STPG2: variants seen among roughly 807,000 people sequenced by gnomAD.
The protein encoded by STPG2 is sperm tail PG-rich repeat containing 2.
STPG2 carries 56 observed loss-of-function variants against 54.2 expected under a neutral mutation model. That is an observed-to-expected ratio of 1.03 (90% CI 0.83 to 1.29). The LOEUF (loss-of-function observed/expected upper bound fraction) is 1.29, where lower values mean the gene tolerates loss of function less well. Among genes scored for constraint, STPG2 ranks in the 50% most tolerant of loss-of-function variants. STPG2 has a pLI of 0.00. For missense variants in STPG2, 596 were observed against 544.9 expected, an observed-to-expected ratio of 1.09 and a Z score of -0.93; for synonymous variants, 200 against 181.8, an observed-to-expected ratio of 1.10 and a Z score of -0.81.
chr4:97,886,952 A>G (rs1730594269), intron 8 of STPG2, among the ~76,000 whole-genome samples: 2 of 152,182 alleles, frequency 1.3e-5, no homozygotes, highest in Admixed American at 1.3e-4. Context: ...CTCCTGCTAC[A>G]CCACATAAGG....
At chr4:97,640,795 CAT>C (rs949254260) in intron 10 of STPG2, among the ~76,000 whole-genome samples, 12 of 151,098 alleles carry the variant, frequency 7.9e-5, no homozygotes, top group African/African-American at 2.2e-4. Flanking sequence ...TTTCAAAACA[CAT>C]GTTTAAGTCA....
At chr4:98,004,970 TAA>T (rs70953102) in intron 5 of STPG2, among the ~76,000 whole-genome samples, 7 of 142,444 alleles carry the variant, frequency 4.9e-5, no homozygotes, top group African/African-American at 1.0e-4. Context: ...TCTTTGCTGT[TAA>T]AAAAAAAAAA....
intron 5 of STPG2, among the ~76,000 whole-genome samples, chr4:98,026,811 C>T (rs1235780571): frequency 6.6e-6 from 1 of 152,152 alleles, no homozygotes; most frequent in African/African-American, 2.4e-5. Flanking sequence ...TTCTCATTCT[C>T]TTTACCCAAT....
chr4:97,854,968 G>A (rs1344945506), intron 8 of STPG2, among the ~76,000 whole-genome samples: 3 of 152,204 alleles, frequency 2.0e-5, no homozygotes, highest in East Asian at 1.9e-4. Context: ...TGTTCTCATC[G>A]TTCAGCTCCC....
At chr4:97,649,435 CAAA>C (rs1203496300) in intron 10 of STPG2, among the ~76,000 whole-genome samples, 6 of 151,682 alleles carry the variant, frequency 4.0e-5, no homozygotes, top group Non-Finnish European at 7.4e-5. Context: ...GTTTTTAGGG[CAAA>C]AAAATAGTCT....
intron 10 of STPG2, among the ~76,000 whole-genome samples, chr4:97,669,362 C>T (rs1462794223): frequency 2.0e-5 from 3 of 152,182 alleles, no homozygotes; most frequent in African/African-American, 4.8e-5. Context: ...CTATTGAAGA[C>T]ACAATCTTGC....
At chr4:97,448,976 C>T (rs2148796431) in intron 4 of STPG2, among the ~76,000 whole-genome samples, 1 of 152,046 alleles carries the variant, frequency 6.6e-6, no homozygotes, top group African/African-American at 2.4e-5. Context: ...ATAATGAACT[C>T]ATTAACATAA....
chr4:97,621,862 C>CA (rs1240511381), intron 10 of STPG2, among the ~76,000 whole-genome samples: 1 of 152,100 alleles, frequency 6.6e-6, no homozygotes, highest in Non-Finnish European at 1.5e-5. Context: ...GATGAACATA[C>CA]ATGCAAAAAC....
chr4:97,779,826 A>T (rs1313604787), intron 9 of STPG2, among the ~76,000 whole-genome samples: 1 of 152,202 alleles, frequency 6.6e-6, no homozygotes, highest in East Asian at 1.9e-4. Flanking sequence ...ATATCCAGCC[A>T]AACTAAGCTT....
intron 5 of STPG2, among the ~76,000 whole-genome samples, chr4:98,007,657 G>T (rs989637414): frequency 1.3e-5 from 2 of 151,942 alleles, no homozygotes; most frequent in African/African-American, 4.8e-5. Context: ...AAGTATTGAT[G>T]TTAATGAAAC....
intron 9 of STPG2, among the ~76,000 whole-genome samples, chr4:97,817,257 T>C (rs760968084): frequency 2.0e-5 from 3 of 150,308 alleles, no homozygotes; most frequent in Admixed American, 6.7e-5. Flanking sequence ...GATATATACA[T>C]ATAATAAATA....
chr4:97,737,602 A>AG, intron 9 of STPG2, among the ~76,000 whole-genome samples: 1 of 152,364 alleles, frequency 6.6e-6, no homozygotes, highest in Admixed American at 6.5e-5. Context: ...ACTGGAAGAA[A>AG]GGGTATCAGT....
intron 9 of STPG2, among the ~76,000 whole-genome samples, chr4:97,835,196 T>C (rs936188715): frequency 6.6e-6 from 1 of 152,078 alleles, no homozygotes; most frequent in African/African-American, 2.4e-5. Flanking sequence ...AAAACCAAGA[T>C]GGTGAAAAGA....
intron 5 of STPG2, among the ~76,000 whole-genome samples, chr4:98,089,072 A>G (rs1043802416): frequency 6.6e-6 from 1 of 151,852 alleles, no homozygotes; most frequent in Non-Finnish European, 1.5e-5. Context: ...TTTAATTTCA[A>G]TAGTTTTTGG....
intron 10 of STPG2, among the ~76,000 whole-genome samples, chr4:97,590,150 ATATACT>A (rs1733099938): frequency 6.6e-6 from 1 of 152,170 alleles, no homozygotes. Context: ...CAATAAATAC[ATATACT>A]TATATAGAAA....
intron 9 of STPG2, among the ~76,000 whole-genome samples, chr4:97,756,434 G>T (rs991245289): frequency 2.0e-5 from 3 of 152,114 alleles, no homozygotes; most frequent in Non-Finnish European, 4.4e-5. Context: ...CGATTCTCCT[G>T]CCTAAGCCAC....
intron 8 of STPG2, among the ~76,000 whole-genome samples, chr4:97,915,489 T>C (rs73832109): frequency 0.013 from 1,996 of 152,164 alleles, 53 homozygotes; most frequent in African/African-American, 0.045. Flanking sequence ...ACTATACATG[T>C]TGTTCCCTAT....
intron 4 of STPG2, among the ~76,000 whole-genome samples, chr4:97,467,967 T>G (rs1729829490): frequency 6.6e-6 from 1 of 151,828 alleles, no homozygotes; most frequent in Admixed American, 6.6e-5. Context: ...ATATTATCTC[T>G]AAGAGAGTAA....
intron 5 of STPG2, among the ~76,000 whole-genome samples, chr4:98,060,382 T>C (rs1236384693): frequency 1.3e-5 from 2 of 151,590 alleles, no homozygotes; most frequent in Non-Finnish European, 2.9e-5. Context: ...ATCTCTACAA[T>C]GAGAGCTACA....
Sources: allele counts gnomAD v4.1 joint callset (sites outside exome capture counted in the v4.1 genomes callset), GRCh38; gene constraint gnomAD v4.1.1; transcripts MANE v1.5; gene names NCBI Gene and HGNC (gene_info 2026-07-23, HGNC 2026-07-21).